TIMELESS: variants seen among roughly 807,000 people sequenced by gnomAD.
TIMELESS encodes protein timeless homolog.
TIMELESS carries 124 observed loss-of-function variants against 164.3 expected under a neutral mutation model. The observed-to-expected ratio is 0.75, with a 90% CI of 0.65 to 0.88. The LOEUF (loss-of-function observed/expected upper bound fraction) is 0.88. Ranked by LOEUF, TIMELESS falls within the 40% of genes least tolerant of loss-of-function variation. TIMELESS has a pLI of 0.00. For synonymous variants in TIMELESS, 564 were observed against 563.4 expected (o/e 1.00, Z -0.02); for missense variants, 1,422 against 1,491.4 (o/e 0.95, Z 0.77).
chr12:56,434,325 C>G, intron 1 of TIMELESS, 94 bp from the exon 2 acceptor site: 1 of 636,892 alleles, frequency 1.6e-6, no homozygotes, highest in Non-Finnish European at 2.7e-6. Context: ...ATATTCTGAA[C>G]AAGATCCTCA....
intron 1 of TIMELESS, among the ~76,000 whole-genome samples, chr12:56,434,771 G>A: frequency 6.6e-6 from 1 of 152,004 alleles, no homozygotes; most frequent in East Asian, 1.9e-4. Flanking sequence ...TTAGACCCTG[G>A]CTGGGCACAG....
At position 56,432,388 on chromosome 12, in the gene TIMELESS, G is replaced by A. The variant is rs1260803398; in HGVS notation, c.668C>T (p.Ser223Phe). The A allele has an allele frequency of 6.2e-7, 1 of 1,614,036 alleles. No individual in the cohort carries two copies. The highest frequency in any genetic ancestry group is 2.2e-5 in the East Asian group (1 of 44,884). ...QWSLHVLEIV[S>F]LMFRDQNPEQ... Reference sequence around the variant, plus strand: ...TCTCACCTGGTCACGAAACATAAGGGAGACAATCTCTAGCACATGTAGGCT... The same window carrying A: ...TCTCACCTGGTCACGAAACATAAGGAAGACAATCTCTAGCACATGTAGGCT... The change falls in exon 7 of 29, where the codon TCC becomes TTC. Residue 223 changes from serine (S) to phenylalanine (F), a missense_variant. Physicochemically the swap from Ser to Phe is radical, Grantham distance 155. Transcript: ENST00000553532.
intron 5 of TIMELESS, 114 bp downstream of exon 5, chr12:56,433,267 G>A (rs1881955306): frequency 1.4e-6 from 2 of 1,394,162 alleles, no homozygotes; most frequent in African/African-American, 2.8e-5. Context: ...AGAGACTATG[G>A]ATCGGACTAC....
intron 18 of TIMELESS, 23 bp from the exon 19 acceptor site, chr12:56,423,015 T>C (rs759974013): frequency 6.2e-7 from 1 of 1,609,740 alleles, no homozygotes; most frequent in South Asian, 1.1e-5. Flanking sequence ...GAGGTTACTA[T>C]GAGGCCTCTC....
intron 1 of TIMELESS, among the ~76,000 whole-genome samples, chr12:56,435,814 C>T (rs563838613): frequency 4.7e-4 from 71 of 152,118 alleles, no homozygotes; most frequent in African/African-American, 1.7e-3. Flanking sequence ...AAAAAATTAG[C>T]CAGGCGCGAT....
rs1881749157 is a variant in TIMELESS at position 56,428,422 on chromosome 12, GA to G, written c.1409-18del. 2 of 1,604,654 alleles carry G rather than the reference GA, an allele frequency of 1.2e-6. No homozygotes were observed. Among genetic ancestry groups the G allele is most frequent in the African/African-American group, 1.3e-5 (1 of 74,838 alleles). On this transcript the variant is annotated intron_variant, in intron 12 of 28. Coordinates refer to ENST00000553532, the MANE Select transcript of TIMELESS (RefSeq NM_003920.5). The stretch of plus-strand genomic sequence containing the variant: ...AAATATTGTCTAGGAATGGGGAAGA[GA>G]AAGGGATGGAAGGGCTATTCTGGAA...
rs559501196 is a variant in TIMELESS, at chr12:56,417,503, G to T, written c.*213C>A. ...ACTAAATCTCCAGAGAGCTGCTGGG[G>T]CATACCGATAAAAACTGGGAGAAAC... is the stretch of plus-strand genomic sequence containing the variant. On this transcript the variant is annotated 3_prime_UTR_variant, in exon 29 of 29. Coordinates refer to ENST00000553532, the MANE Select transcript of TIMELESS (RefSeq NM_003920.5). 1.4e-5 allele frequency: 8 copies of T among 561,516 alleles called. No homozygotes were observed. In the South Asian group the frequency reaches 1.6e-4, roughly 11 times the overall value. 34.8% of individuals were successfully genotyped at this position (561,516 alleles called of 1,614,324 possible).
chr12:56,437,248 G>A (rs999095961), intron 1 of TIMELESS, among the ~76,000 whole-genome samples: 3 of 152,026 alleles, frequency 2.0e-5, no homozygotes, highest in Non-Finnish European at 4.4e-5. Flanking sequence ...ATAAATATTT[G>A]CCGAATTTTG....
intron 22 of TIMELESS, 25 bp from the exon 23 acceptor site, chr12:56,421,518 C>T (rs1271560784): frequency 4.4e-6 from 7 of 1,600,542 alleles, no homozygotes; most frequent in Non-Finnish European, 6.0e-6. Flanking sequence ...CATGTGAATA[C>T]CCAAGGGTAA....
intron 13 of TIMELESS, 83 bp downstream of exon 13, chr12:56,428,153 G>A: frequency 4.4e-6 from 6 of 1,359,100 alleles, no homozygotes; most frequent in Non-Finnish European, 6.0e-6. Context: ...ATGAACTTAA[G>A]CTGTACAAAC....
chr12:56,443,781 T>C (rs1454598050), intron 1 of TIMELESS, among the ~76,000 whole-genome samples: 1 of 152,146 alleles, frequency 6.6e-6, no homozygotes, highest in East Asian at 1.9e-4. Flanking sequence ...AGCTGACACT[T>C]AGGGAAAATA....
intron 1 of TIMELESS, among the ~76,000 whole-genome samples, chr12:56,437,513 G>A (rs1221669578): frequency 2.0e-5 from 3 of 151,744 alleles, no homozygotes; most frequent in Non-Finnish European, 2.9e-5. Flanking sequence ...AACTGAGGAA[G>A]CAGAATACAG....
At position 56,434,197 on chromosome 12, in the gene TIMELESS, G is replaced by T. The variant is rs536260378; in HGVS notation, c.-27C>A. 220 of 1,562,794 alleles carry T rather than the reference G, an allele frequency of 1.4e-4. 3 individuals are homozygous for T. In the South Asian group the frequency reaches 2.4e-3, roughly 17 times the overall value. On this transcript the variant is annotated 5_prime_UTR_variant, in exon 2 of 29. Coordinates refer to ENST00000553532, the MANE Select transcript of TIMELESS (RefSeq NM_003920.5). ...CATCAGTGGACCAACCAACAGAGAAGGAAGTGGAGAAACAGGAGACAGAAA... is the reference window on the plus strand; with the variant it reads ...CATCAGTGGACCAACCAACAGAGAATGAAGTGGAGAAACAGGAGACAGAAA...
At chr12:56,439,715 A>G (rs1868250662) in intron 1 of TIMELESS, among the ~76,000 whole-genome samples, 1 of 152,148 alleles carries the variant, frequency 6.6e-6, no homozygotes, top group Non-Finnish European at 1.5e-5. Flanking sequence ...TACACTTTAA[A>G]AGGGTGAATT....
intron 14 of TIMELESS, 42 bp from the exon 15 acceptor site, chr12:56,424,955 C>T: frequency 6.2e-7 from 1 of 1,613,978 alleles, no homozygotes; most frequent in African/African-American, 1.3e-5. Context: ...GAGTGGAAAA[C>T]CCAGATTGTA....
At chr12:56,421,260 C>A in intron 23 of TIMELESS, 91 bp downstream of exon 23, 1 of 1,582,100 alleles carries the variant, frequency 6.3e-7, no homozygotes, top group Admixed American at 1.8e-5. Context: ...GTCAGAACAG[C>A]CTCAGGCAGG....
chr12:56,433,522 C>A lies in TIMELESS; in HGVS notation c.366+16G>T. 3 of 1,614,120 alleles carry A rather than the reference C, an allele frequency of 1.9e-6. No individual in the cohort carries two copies. The highest frequency in any genetic ancestry group is 8.5e-7 in the Non-Finnish European group (1 of 1,179,956). On this transcript the variant is annotated intron_variant, in intron 4 of 28. Transcript: ENST00000553532. ...GCCCCATATTCCACCCCAGGGACTC[C>A]AAAGGAAATCCTCACCTCTTTGTAG...
chr12:56,427,672 G>A (rs1240678067), intron 13 of TIMELESS, among the ~76,000 whole-genome samples: 3 of 152,152 alleles, frequency 2.0e-5, no homozygotes, highest in African/African-American at 7.2e-5. Context: ...TCCACCTCCT[G>A]GATTCAAGCG....
At position 56,434,335 on chromosome 12, in the gene TIMELESS, A is replaced by G. The variant is rs944383893; in HGVS notation, c.-61-104T>C. On this transcript the variant is annotated intron_variant, in intron 1 of 28. Transcript: ENST00000553532. ...TCAGAATATTCTGAACAAGATCCTC[A>G]AATGTTTGACTTTTGTCACAACCAA... The G allele has an allele frequency of 8.0e-6, 5 of 624,368 alleles. No homozygotes were observed. In the Admixed American group the frequency reaches 8.8e-5, roughly 11 times the overall value. 38.7% of individuals were successfully genotyped at this position (624,368 alleles called of 1,614,324 possible).
Sources: gnomAD v4.1 joint callset for allele counts (sites outside exome capture counted in the v4.1 genomes callset) on GRCh38, gnomAD v4.1.1 for gene constraint, MANE v1.5 for transcripts, NCBI Gene and HGNC (gene_info 2026-07-23, HGNC 2026-07-21) for gene names.